The following NF1 variants were observed in gnomAD, a reference collection of about 807,000 sequenced individuals.
NF1 encodes the protein neurofibromin.
A neutral mutation model predicts 325.7 loss-of-function variants in NF1; 122 were observed. The ratio of observed to expected loss-of-function variants is 0.37; its 90% CI spans 0.32 to 0.44. The LOEUF is 0.44. Ranked by LOEUF, NF1 falls within the 20% of genes least tolerant of loss-of-function variation. The pLI is 1.00. For missense variants in NF1, 2,140 were observed against 3,415.4 expected (o/e 0.63, Z 9.31); for synonymous variants, 1,091 against 1,186.0 (o/e 0.92, Z 1.65).
In NF1 at chr17:31,260,526, C is replaced by T. The variant is rs190614908; in HGVS notation, c.4577+11C>T. 6.2e-7 allele frequency: 1 copy of T among 1,613,534 alleles called. No homozygotes were observed. Among genetic ancestry groups the T allele is most frequent in the Non-Finnish European group, 8.5e-7 (1 of 1,179,852 alleles). On this transcript the variant is annotated intron_variant, in intron 34 of 57. Coordinates refer to ENST00000358273, the MANE Select transcript of NF1 (RefSeq NM_001042492.3). The stretch of plus-strand genomic sequence containing the variant: ...TCTTTCCAGCAACAGGTAAGATTTC[C>T]CAGTCATGGGGATAGTGAACACTCT...
chr17:31,268,199 A>G (rs1395514591), intron 36 of NF1, among the ~76,000 whole-genome samples: 1 of 152,158 alleles, frequency 6.6e-6, no homozygotes, highest in African/African-American at 2.4e-5. Context: ...CTGAAATTCC[A>G]GAAAGAAAAT....
chr17:31,231,360 C>A (rs186558532), intron 24 of NF1, among the ~76,000 whole-genome samples: 4 of 152,202 alleles, frequency 2.6e-5, no homozygotes, highest in African/African-American at 9.6e-5. Context: ...TACTTATTGA[C>A]ACATATCAGA....
chr17:31,349,895 A>C (rs1403062816), intron 49 of NF1, among the ~76,000 whole-genome samples: 1 of 152,206 alleles, frequency 6.6e-6, no homozygotes, highest in African/African-American at 2.4e-5. Context: ...TTTGAACCGT[A>C]TCATCTTGAG....
chr17:31,266,124 G>A (rs2067783705), intron 36 of NF1, among the ~76,000 whole-genome samples: 1 of 152,172 alleles, frequency 6.6e-6, no homozygotes, highest in South Asian at 2.1e-4. Flanking sequence ...ACCATGTTTA[G>A]ACCTAGTTCT....
intron 12 of NF1, among the ~76,000 whole-genome samples, chr17:31,213,466 G>C (rs2066765262): frequency 6.6e-6 from 1 of 152,148 alleles, no homozygotes; most frequent in Non-Finnish European, 1.5e-5. Context: ...TCTTAACTTT[G>C]AAAGACAGCC....
intron 1 of NF1, among the ~76,000 whole-genome samples, chr17:31,148,504 A>G (rs1205668229): frequency 6.6e-6 from 1 of 150,822 alleles, no homozygotes; most frequent in Non-Finnish European, 1.5e-5. Context: ...GAGGATTACT[A>G]TGGGATTGGT....
rs1347916220 is a variant in NF1 at position 31,336,150 on chromosome 17, CTTTACTG to C, written c.6007-182_6007-176del. On this transcript the variant is annotated intron_variant, in intron 40 of 57. Transcript: ENST00000358273. This position sits in a 1 kb window ranked among gnomAD's most constrained non-coding sequence, Gnocchi z 5.5. ...AAGGAGTCAAATGAATATACTCATC[CTTTACTG>C]GATATTTTATAATAAATTGTATTTA... 1.3e-5 allele frequency among the ~76,000 whole-genome samples: 2 copies of C among 151,882 alleles called. No individual in the cohort carries two copies. Among genetic ancestry groups the C allele is most frequent in the Non-Finnish European group, 2.9e-5 (2 of 67,982 alleles).
rs753614945 is a variant in NF1 at position 31,376,275 on chromosome 17, G to GT, written c.*2122dup. On this transcript the variant is annotated 3_prime_UTR_variant, in exon 58 of 58. Coordinates refer to ENST00000358273, the MANE Select transcript of NF1 (RefSeq NM_001042492.3). Reference sequence around the variant, plus strand: ...TGGTTTGGTGCATATGATAGTGGGTGTTATGCTATTTTGCTCTTCCCATCA... The same window carrying GT: ...TGGTTTGGTGCATATGATAGTGGGTGTTTATGCTATTTTGCTCTTCCCATCA... The GT allele has an allele frequency of 6.0e-5, 14 of 232,716 alleles. No individual in the cohort carries two copies. The highest frequency in any genetic ancestry group is 9.3e-5 in the Non-Finnish European group (11 of 117,836). The allele number at this position is 232,716 out of a possible 1,614,324, so 14.4% of individuals were successfully genotyped here. A position where few individuals can be genotyped will look rare whatever the true frequency, so the allele number is the denominator to read the frequency against.
chr17:31,176,465 C>T (rs1249873234), intron 5 of NF1, among the ~76,000 whole-genome samples: 1 of 152,154 alleles, frequency 6.6e-6, no homozygotes, highest in Admixed American at 6.5e-5. Flanking sequence ...GTTGCCTGTT[C>T]ACTCCGATGG....
chr17:31,204,829 G>T (rs1397731810), intron 11 of NF1, among the ~76,000 whole-genome samples: 1 of 152,010 alleles, frequency 6.6e-6, no homozygotes, highest in Non-Finnish European at 1.5e-5. Flanking sequence ...GTTACTTTAG[G>T]CTGATTAACA....
Position 31,349,236 on chromosome 17 carries a change from G to A in NF1, c.7306G>A (p.Val2436Met), listed in dbSNP as rs876659856. The A allele has an allele frequency of 6.8e-6, 11 of 1,612,968 alleles. No individual in the cohort carries two copies. The highest frequency in any genetic ancestry group is 1.7e-5 in the Admixed American group (1 of 59,980). ...CAAATTTGAAGTGAATACACAGAGC[G>A]TGGCCTACTTAGCAGGTAAAAACAC... ...CDKFEVNTQS[V>M]AYLAALLTVS... is the part of the protein sequence containing the mutation. Residue 2436 changes from valine to methionine, a missense_variant, in exon 49 of 58, where the codon GTG becomes ATG. Transcript: ENST00000358273.
intron 34 of NF1, among the ~76,000 whole-genome samples, chr17:31,261,468 G>A (rs2067684788): frequency 6.6e-6 from 1 of 152,052 alleles, no homozygotes; most frequent in Non-Finnish European, 1.5e-5. Context: ...GCACATTCAC[G>A]GGAAAAGTAG....
chr17:31,356,339 C>G (rs2070269824), intron 51 of NF1, 121 bp from the exon 52 acceptor site: 1 of 990,262 alleles, frequency 1.0e-6, no homozygotes, highest in Non-Finnish European at 1.6e-6. Flanking sequence ...TGTATTAGAG[C>G]TTTCTTTGAG....
intron 5 of NF1, among the ~76,000 whole-genome samples, chr17:31,171,034 G>C (rs948024509): frequency 6.6e-6 from 1 of 152,054 alleles, no homozygotes; most frequent in African/African-American, 2.4e-5. Context: ...TTCAAAATAC[G>C]TGTTTTTGTT....
chr17:31,136,172 TA>T (rs1915757150), intron 1 of NF1: 1 of 151,542 alleles, frequency 6.6e-6, no homozygotes, highest in African/African-American at 2.4e-5. Context: ...CTACTAAAAA[TA>T]CAAAAAATAG....
chr17:31,278,167 C>A (rs149051912), intron 36 of NF1: 1 of 152,162 alleles, frequency 6.6e-6, no homozygotes, highest in South Asian at 2.1e-4. Context: ...TATATACTTA[C>A]ATTACTTTCC....
intron 57 of NF1, among the ~76,000 whole-genome samples, chr17:31,370,724 A>G (rs565287019): frequency 1.3e-5 from 2 of 152,306 alleles, no homozygotes; most frequent in South Asian, 4.1e-4. Flanking sequence ...GCCATGGTCT[A>G]GTAGTAGCAA....
At chr17:31,371,763 G>C (rs1340283521) in intron 57 of NF1, among the ~76,000 whole-genome samples, 1 of 152,230 alleles carries the variant, frequency 6.6e-6, no homozygotes, top group African/African-American at 2.4e-5. Context: ...TGTCGCTGAT[G>C]TTTTTCCTTG....
At chr17:31,340,731 A>T (rs1257033173) in intron 47 of NF1, 86 bp downstream of exon 47, 1 of 1,386,358 alleles carries the variant, frequency 7.2e-7, no homozygotes, top group Non-Finnish European at 1.0e-6. Flanking sequence ...TTAAAATCAC[A>T]AGAAGTCCAT....
Sources: allele counts gnomAD v4.1 joint callset (sites outside exome capture counted in the v4.1 genomes callset), GRCh38; gene constraint gnomAD v4.1.1; non-coding constraint Gnocchi (gnomAD v3.1); transcripts MANE v1.5; gene names NCBI Gene and HGNC (gene_info 2026-07-23, HGNC 2026-07-21).